Variants in MAP7D1 observed in about 807,000 individuals in gnomAD.
The protein encoded by MAP7D1 is MAP7 domain containing 1.
A neutral mutation model predicts 97.5 loss-of-function variants in MAP7D1; 30 were observed. That is an observed-to-expected ratio of 0.31 (90% confidence interval 0.23 to 0.42). The LOEUF (loss-of-function observed/expected upper bound fraction) is 0.42, where lower values mean the gene tolerates loss of function less well. Ranked by LOEUF, MAP7D1 falls within the 10% of genes least tolerant of loss-of-function variation. The pLI is 1.00. For missense variants in MAP7D1, 1,184 were observed against 1,179.5 expected (o/e 1.00, Z -0.06); for synonymous variants, 536 against 477.1 (o/e 1.12, Z -1.61).
Position 36,177,931 on chromosome 1 carries a change from C to A in MAP7D1, c.1438C>A (p.Pro480Thr). The A allele has an allele frequency of 6.3e-7, 1 of 1,575,954 alleles. No homozygotes were observed. The highest frequency in any genetic ancestry group is 8.6e-7 in the Non-Finnish European group (1 of 1,158,710). ...PSTSWHRPAS[P>T]CPSPGPGHTL... Reference sequence around the variant, plus strand: ...CACATCCTGGCACAGGCCTGCCTCCCCCTGCCCCAGCCCAGGGCCAGGCCA... The same window carrying A: ...CACATCCTGGCACAGGCCTGCCTCCACCTGCCCCAGCCCAGGGCCAGGCCA... Residue 480 changes from proline (P) to threonine (T), a missense_variant, in exon 9 of 17, where the codon CCC becomes ACC. Pro to Thr is a conservative substitution (Grantham distance 38, BLOSUM62 -1). Coordinates refer to ENST00000474796, the MANE Select transcript of MAP7D1 (RefSeq NM_001388490.1).
At chr1:36,165,125 A>AT (rs571655688) in intron 1 of MAP7D1, among the ~76,000 whole-genome samples, 137 of 152,062 alleles carry the variant, frequency 9.0e-4, no homozygotes, top group African/African-American at 3.2e-3. Flanking sequence ...GTTTTATTTA[A>AT]TTTTTTTTCT....
In MAP7D1 at chr1:36,176,222, TG is replaced by T; in HGVS notation, c.877del (p.Glu293ArgfsTer8). The T allele has an allele frequency of 6.2e-7, 1 of 1,608,274 alleles. No homozygotes were observed. ...AGATCGCAGCCTGCAGCTGAGCGCATGGGAGAGCAGCATCGTGGATCGTCTG... is the reference window on the plus strand; with the variant it reads ...AGATCGCAGCCTGCAGCTGAGCGCATGGAGAGCAGCATCGTGGATCGTCTG... Reference protein sequence around the residue: ...SRNRSLQLSAWESSIVDRLMT... With the variant: ...SRNRSLQLSAXESSIVDRLMT... On this transcript the variant is annotated frameshift_variant, in exon 7 of 17. Transcript: ENST00000474796. LOFTEE classifies it high-confidence loss of function. The surrounding 1 kb of genome is among the most constrained non-coding windows in gnomAD (Gnocchi z 6.1).
At position 36,156,352 on chromosome 1, in the gene MAP7D1, G is replaced by A. The variant is rs1285342360; in HGVS notation, c.-66G>A. 1.4e-6 allele frequency: 2 copies of A among 1,402,476 alleles called. No individual in the cohort carries two copies. The highest frequency in any genetic ancestry group is 1.9e-6 in the Non-Finnish European group (2 of 1,055,796). 86.9% of individuals were successfully genotyped at this position (1,402,476 alleles called of 1,614,324 possible). ...GGGCGTGATGCGCCGCGGGACCCCTGTCCTGGCCACTGGCCGCCGCCGCCG... is the reference window on the plus strand; with the variant it reads ...GGGCGTGATGCGCCGCGGGACCCCTATCCTGGCCACTGGCCGCCGCCGCCG... On this transcript the variant is annotated 5_prime_UTR_variant, in exon 1 of 17. Transcript: ENST00000474796.
At chr1:36,160,888 G>A (rs769081056) in intron 1 of MAP7D1, among the ~76,000 whole-genome samples, 1 of 152,254 alleles carries the variant, frequency 6.6e-6, no homozygotes, top group African/African-American at 2.4e-5. Flanking sequence ...CCCGGACCCA[G>A]GTGGTGGTAA....
At chr1:36,161,283 C>G (rs79960907) in intron 1 of MAP7D1, among the ~76,000 whole-genome samples, 3 of 152,184 alleles carry the variant, frequency 2.0e-5, no homozygotes, top group Admixed American at 6.5e-5. Flanking sequence ...AATGCTGCCC[C>G]CTAAGGGTCC....
Position 36,177,904 on chromosome 1 carries a change from T to A in MAP7D1, c.1411T>A (p.Ser471Thr). Residue 471 changes from serine to threonine, a missense_variant, in exon 9 of 17, where the codon TCC becomes ACC. Transcript: ENST00000474796. The part of the protein sequence containing the change: ...PKSKARPSSP[S>T]TSWHRPASPC... ...ATCCAAGGCCAGGCCATCCTCTCCCTCCACATCCTGGCACAGGCCTGCCTC... is the reference window on the plus strand; with the variant it reads ...ATCCAAGGCCAGGCCATCCTCTCCCACCACATCCTGGCACAGGCCTGCCTC... The A allele has an allele frequency of 6.5e-7, 1 of 1,547,932 alleles. No individual in the cohort carries two copies. Among genetic ancestry groups the A allele is most frequent in the Non-Finnish European group, 8.7e-7 (1 of 1,146,960 alleles).
chr1:36,176,629 G>A lies in MAP7D1; in HGVS notation c.1233+48G>A. On this transcript the variant is annotated intron_variant, in intron 7 of 16. Coordinates refer to ENST00000474796, the MANE Select transcript of MAP7D1 (RefSeq NM_001388490.1). The surrounding 1 kb of genome is among the most constrained non-coding windows in gnomAD (Gnocchi z 6.1). ...GTGGCCGCGCAGGTGGGGACAGGCA[G>A]CCTGGAACTGGGGTACGCGGGCGCT... The A allele has an allele frequency of 4.4e-6, 7 of 1,573,358 alleles. No individual in the cohort carries two copies. Among genetic ancestry groups the A allele is most frequent in the Non-Finnish European group, 6.1e-6 (7 of 1,156,290 alleles).
rs200040788 is a variant in MAP7D1, at chr1:36,178,998, G to A, written c.2103G>A (p.Gln701=). ...AGCGGGAAAAGCACTTCCAGCAGCA[G>A]GAGCAAGAGCGGCAAGAGCGCAGAA... is the stretch of plus-strand genomic sequence containing the variant. ...RLEREKHFQQ[Q]EQERQERRKR... Residue 701 remains glutamine (Q), a synonymous_variant, in exon 12 of 17, where the codon CAG becomes CAA. Coordinates refer to ENST00000474796, the MANE Select transcript of MAP7D1 (RefSeq NM_001388490.1). 369 of 1,557,660 alleles carry A rather than the reference G, an allele frequency of 2.4e-4. No homozygotes were observed. The highest frequency in any genetic ancestry group is 2.9e-4 in the Non-Finnish European group (335 of 1,151,062).
chr1:36,178,615 C>G lies in MAP7D1; in HGVS notation c.1886+19C>G. On this transcript the variant is annotated intron_variant, in intron 10 of 16. Coordinates refer to ENST00000474796, the MANE Select transcript of MAP7D1 (RefSeq NM_001388490.1). ...GGGACAAGTGAGTGCGCCTCGGGGACTGAGGGGGCCCTCGTGGGCGCTGGA... is the reference window on the plus strand; with the variant it reads ...GGGACAAGTGAGTGCGCCTCGGGGAGTGAGGGGGCCCTCGTGGGCGCTGGA... The G allele has an allele frequency of 6.4e-7, 1 of 1,560,836 alleles. No homozygotes were observed. Among genetic ancestry groups the G allele is most frequent in the Non-Finnish European group, 8.7e-7 (1 of 1,155,940 alleles).
In MAP7D1 at chr1:36,163,817, CTTTTTTTTTTTT is replaced by C. The variant is rs869169250; in HGVS notation, c.47-7138_47-7127del. On this transcript the variant is annotated intron_variant, in intron 1 of 16. Transcript: ENST00000474796. ...TGCCACATAGATATATACTTTTTTT[CTTTTTTTTTTTT>C]TTTTTTTTTTTTTTTGGAGACAGCA... 6.9e-5 allele frequency among the ~76,000 whole-genome samples: 6 copies of C among 86,784 alleles called. No individual in the cohort carries two copies. In the Admixed American group the frequency reaches 9.1e-4, roughly 13 times the overall value. 56.9% of individuals were successfully genotyped at this position (86,784 alleles called of 152,430 possible).
intron 1 of MAP7D1, among the ~76,000 whole-genome samples, chr1:36,168,323 C>T (rs965987711): frequency 4.6e-5 from 7 of 151,414 alleles, no homozygotes; most frequent in Non-Finnish European, 1.0e-4. Context: ...CCCAACTCTG[C>T]CACATACTAG....
chr1:36,179,902 C>T lies in MAP7D1; in HGVS notation c.2347C>T (p.Leu783=), dbSNP rs1644692509. 6.2e-7 allele frequency: 1 copy of T among 1,613,824 alleles called. No homozygotes were observed. Among genetic ancestry groups the T allele is most frequent in the African/African-American group, 1.3e-5 (1 of 74,940 alleles). ...CCCAAGCAAGGAGTTGCCAGCGTCC[C>T]TGGTGAATGGCCTGCAGCCTCTCCC... ...SLPSKELPAS[L]VNGLQPLPAH... Residue 783 remains leucine, a synonymous_variant, in exon 16 of 17, where the codon CTG becomes TTG. Coordinates refer to ENST00000474796, the MANE Select transcript of MAP7D1 (RefSeq NM_001388490.1).
rs114990302 is a variant in MAP7D1 at position 36,171,614 on chromosome 1, A to G, written c.460+33A>G. 2,734 of 1,608,390 alleles carry G rather than the reference A, an allele frequency of 1.7e-3. 50 individuals are homozygous for G. In the African/African-American group the frequency reaches 0.032, roughly 19 times the overall value. On this transcript the variant is annotated intron_variant, in intron 3 of 16. Transcript: ENST00000474796. ...AGCAGGAAGCCTCATCATCTTCTTCATCGTCATCATCAGCATCCTATTAAT... is the reference window on the plus strand; with the variant it reads ...AGCAGGAAGCCTCATCATCTTCTTCGTCGTCATCATCAGCATCCTATTAAT...
At chr1:36,163,817 CTTTTTTTTTTTTT>C (rs869169250) in intron 1 of MAP7D1, among the ~76,000 whole-genome samples, 5 of 86,830 alleles carry the variant, frequency 5.8e-5, no homozygotes, top group Non-Finnish European at 1.1e-4. Flanking sequence ...TACTTTTTTT[CTTTTTTTTTTTTT>C]TTTTTTTTTT....
rs377031015 is a variant in MAP7D1 at position 36,172,464 on chromosome 1, C to T, written c.461C>T (p.Ala154Val). 2.6e-5 allele frequency: 41 copies of T among 1,568,508 alleles called. No individual in the cohort carries two copies. The highest frequency in any genetic ancestry group is 8.0e-5 in the South Asian group (7 of 87,924). ...CGCCACTGGGCTCCTTTGTCCACAG[C>T]GGCCAAGAAGGCAGTGTGGCTGGAG... ...ERREERAKYL[A>V]AKKAVWLEKE... Residue 154 changes from alanine (A) to valine (V), a missense_variant and splice_region_variant, in exon 4 of 17, where the codon GCG (alanine) becomes GTG (valine). Physicochemically the swap from Ala to Val is moderately conservative, Grantham distance 64. Transcript: ENST00000474796.
In MAP7D1 at chr1:36,176,384, G is replaced by T. The variant is rs189678494; in HGVS notation, c.1036G>T (p.Gly346Trp). ...WGRAGASLAR[G>W]PQPDRTHPSA... ...CCGGGCAGGGGCCAGCCTGGCGCGC[G>T]GGCCGCAACCCGACCGCACTCATCC... Residue 346 changes from glycine (G) to tryptophan (W), a missense_variant, in exon 7 of 17, where the codon GGG becomes TGG. Physicochemically the swap from Gly to Trp is radical, Grantham distance 184. Coordinates refer to ENST00000474796, the MANE Select transcript of MAP7D1 (RefSeq NM_001388490.1). This position sits in a 1 kb window ranked among gnomAD's most constrained non-coding sequence, Gnocchi z 6.1. The T allele has an allele frequency of 2.0e-6, 3 of 1,524,332 alleles. 1 individual carries two copies. In the East Asian group the frequency reaches 7.6e-5, roughly 38 times the overall value. The allele number at this position is 1,524,332 out of a possible 1,614,324, so 94.4% of individuals were successfully genotyped here. A position where few individuals can be genotyped will look rare whatever the true frequency, so the allele number is the denominator to read the frequency against.
At chr1:36,173,098 A>G (rs903099840) in intron 4 of MAP7D1, among the ~76,000 whole-genome samples, 3 of 152,152 alleles carry the variant, frequency 2.0e-5, no homozygotes, top group Non-Finnish European at 4.4e-5. Flanking sequence ...AGGTAGGGGG[A>G]GTCCACCCAA....
rs998107106 is a variant in MAP7D1 at position 36,157,144 on chromosome 1, G to A, written c.46+681G>A. ...TTGTTTGGGGTGAGGGCGGGAGCTG[G>A]GGAGTGGGCCGCCTCCCCTGCAGCC... On this transcript the variant is annotated intron_variant, in intron 1 of 16. Transcript: ENST00000474796. 10 of 152,326 alleles carry A rather than the reference G, an allele frequency of 6.6e-5. No individual in the cohort carries two copies. The East Asian group carries it at 1.9e-3, about 29-fold the overall frequency. 9.4% of individuals were successfully genotyped at this position (152,326 alleles called of 1,614,324 possible). A position where few individuals can be genotyped will look rare whatever the true frequency, so the allele number is the denominator to read the frequency against.
rs754880762 is a variant in MAP7D1 at position 36,174,889 on chromosome 1, C to T, written c.740-9C>T. 6.3e-7 allele frequency: 1 copy of T among 1,582,488 alleles called. No homozygotes were observed. Among genetic ancestry groups the T allele is most frequent in the Non-Finnish European group, 8.7e-7 (1 of 1,151,818 alleles). ...CCCGGCCCTAATGCCGTGTCTTTTC[C>T]CCCTCCAGGTGGGAGCAGGTGCTCC... is the stretch of plus-strand genomic sequence containing the variant. On this transcript the variant is annotated splice_polypyrimidine_tract_variant and intron_variant, in intron 5 of 16. Coordinates refer to ENST00000474796, the MANE Select transcript of MAP7D1 (RefSeq NM_001388490.1).
Sources: gnomAD v4.1 joint callset for allele counts (sites outside exome capture counted in the v4.1 genomes callset) on GRCh38, gnomAD v4.1.1 for gene constraint, Gnocchi (gnomAD v3.1) non-coding constraint, MANE v1.5 for transcripts, NCBI Gene and HGNC (gene_info 2026-07-23, HGNC 2026-07-21) for gene names.